ADGRL2: variants seen among roughly 807,000 people sequenced by gnomAD.
The protein encoded by ADGRL2 is adhesion G protein-coupled receptor L2.
Under a neutral mutation model 157.4 loss-of-function variants are expected in ADGRL2, and 44 were observed. The ratio of observed to expected loss-of-function variants is 0.28; its 90% CI spans 0.22 to 0.36. The LOEUF (loss-of-function observed/expected upper bound fraction) is 0.36. ADGRL2 is among the 10% of genes least tolerant of loss of function. ADGRL2 has a pLI of 1.00. For synonymous variants in ADGRL2, 585 were observed against 624.7 expected, an observed-to-expected ratio of 0.94 and a Z score of 0.95; for missense variants, 1,510 against 1,768.9, an observed-to-expected ratio of 0.85 and a Z score of 2.63.
chr1:81,554,891 C>T (rs142403286), intron 2 of ADGRL2, among the ~76,000 whole-genome samples: 35 of 152,086 alleles, frequency 2.3e-4, no homozygotes, highest in African/African-American at 8.4e-4. Context: ...GGAATAATGT[C>T]TGATTCTTAC....
intron 2 of ADGRL2, among the ~76,000 whole-genome samples, chr1:81,561,484 G>T (rs781268672): frequency 8.3e-4 from 121 of 146,424 alleles, no homozygotes; most frequent in Non-Finnish European, 1.5e-3. Context: ...TTTTTCAGAG[G>T]GAGTCTTGCT....
chr1:81,583,878 T>A (rs574070520), intron 3 of ADGRL2, among the ~76,000 whole-genome samples: 2 of 152,284 alleles, frequency 1.3e-5, no homozygotes, highest in East Asian at 3.9e-4. Context: ...TTCTCTTAAC[T>A]TGACTTGCTT....
At chr1:81,337,271 A>G (rs970845063) in intron 1 of ADGRL2, among the ~76,000 whole-genome samples, 2 of 152,172 alleles carry the variant, frequency 1.3e-5, no homozygotes, top group African/African-American at 4.8e-5. Context: ...TTAAACGCGT[A>G]AGACATTCAC....
chr1:81,924,314 C>G (rs1003201854), intron 3 of ADGRL2, among the ~76,000 whole-genome samples: 3 of 152,220 alleles, frequency 2.0e-5, no homozygotes, highest in Non-Finnish European at 4.4e-5. Context: ...AATGGATCTT[C>G]TTATTAAGGA....
intron 1 of ADGRL2, among the ~76,000 whole-genome samples, chr1:81,418,626 C>T (rs1028359324): frequency 7.9e-5 from 12 of 151,980 alleles, no homozygotes; most frequent in African/African-American, 2.4e-4. Flanking sequence ...TGGTGGCAGG[C>T]GCCTGCAGTC....
At chr1:81,904,007 T>A (rs2094540530) in intron 2 of ADGRL2, among the ~76,000 whole-genome samples, 1 of 151,934 alleles carries the variant, frequency 6.6e-6, no homozygotes, top group Non-Finnish European at 1.5e-5. Context: ...ATAAGTAGTT[T>A]GCCTTGTTTT....
chr1:81,411,620 C>A (rs567944328), intron 1 of ADGRL2, among the ~76,000 whole-genome samples: 1 of 152,132 alleles, frequency 6.6e-6, no homozygotes, highest in South Asian at 2.1e-4. Context: ...GGGCCAGGAG[C>A]GGTGGCTCAC....
chr1:81,788,276 G>A (rs1566201), intron 2 of ADGRL2, among the ~76,000 whole-genome samples: 27,152 of 152,088 alleles, frequency 0.18, 3,559 homozygotes, highest in East Asian at 0.65. Context: ...TAGAGGTGGA[G>A]CCTGGTGGGA....
intron 2 of ADGRL2, among the ~76,000 whole-genome samples, chr1:81,485,027 A>G (rs994942810): frequency 6.6e-6 from 1 of 152,172 alleles, no homozygotes; most frequent in Non-Finnish European, 1.5e-5. Flanking sequence ...GTTTCATCCA[A>G]TGATAAATAT....
chr1:81,311,942 G>A (rs1187172209), intron 1 of ADGRL2, among the ~76,000 whole-genome samples: 2 of 152,092 alleles, frequency 1.3e-5, no homozygotes, highest in South Asian at 4.1e-4. Flanking sequence ...GGAGAGGAGG[G>A]TTTAGGAGAT....
intron 1 of ADGRL2, among the ~76,000 whole-genome samples, chr1:81,350,419 A>G (rs1244454165): frequency 6.6e-6 from 1 of 152,208 alleles, no homozygotes; most frequent in East Asian, 1.9e-4. Context: ...AGATTAAATT[A>G]GATCTTCAAG....
At chr1:81,531,893 A>G (rs2148255767) in intron 2 of ADGRL2, among the ~76,000 whole-genome samples, 2 of 152,252 alleles carry the variant, frequency 1.3e-5, no homozygotes, top group Middle Eastern at 3.4e-3. Context: ...TACTTTAGAC[A>G]CCGTAAAACC....
chr1:81,333,777 A>AAAAG (rs1661442282), intron 1 of ADGRL2, among the ~76,000 whole-genome samples: 1 of 151,952 alleles, frequency 6.6e-6, no homozygotes, highest in Non-Finnish European at 1.5e-5. Context: ...AAAAAAAAAA[A>AAAAG]AAATTCCTTA....
rs190261600 is a variant in ADGRL2 at position 81,824,558 on chromosome 1, G to T, written c.-100-12327G>T. Among the ~76,000 whole-genome samples the T allele has an allele frequency of 4.3e-3, 662 of 152,310 alleles. 5 individuals carry two copies. The highest frequency in any genetic ancestry group is 8.1e-3 in the Non-Finnish European group (548 of 68,034). On this transcript the variant is annotated intron_variant, in intron 1 of 23. Coordinates refer to ENST00000686636, the MANE Select transcript of ADGRL2 (RefSeq NM_001366006.2). The stretch of plus-strand genomic sequence containing the variant: ...CCAAATTGCTGGGATTTACAGGCAT[G>T]AGCCACTGCACCTGGCTGCAAAAGA...
chr1:81,498,837 C>G (rs1373695924), intron 2 of ADGRL2, among the ~76,000 whole-genome samples: 1 of 152,032 alleles, frequency 6.6e-6, no homozygotes, highest in Non-Finnish European at 1.5e-5. Context: ...TTGAGCCAGA[C>G]TTTATAAATC....
At chr1:81,986,778 ATTGCCAAC>A in intron 21 of ADGRL2, 115 bp from the exon 22 acceptor site, 1 of 908,742 alleles carries the variant, frequency 1.1e-6, no homozygotes, top group South Asian at 1.8e-5. Context: ...CAGATTTTCC[ATTGCCAAC>A]TTGTCCACTA....
intron 2 of ADGRL2, among the ~76,000 whole-genome samples, chr1:81,854,335 C>T (rs1293854954): frequency 6.6e-6 from 1 of 152,108 alleles, no homozygotes; most frequent in South Asian, 2.1e-4. Flanking sequence ...TTTTCTTTCA[C>T]TGACATACCC....
chr1:81,800,787 G>C (rs2087930023), upstream of ADGRL2, among the ~76,000 whole-genome samples: 1 of 151,478 alleles, frequency 6.6e-6, no homozygotes, highest in African/African-American at 2.4e-5. Flanking sequence ...GGGTGGGCTA[G>C]GGGTTAGCGG....
intron 3 of ADGRL2, among the ~76,000 whole-genome samples, chr1:81,674,729 C>T (rs1373937995): frequency 6.6e-6 from 1 of 152,062 alleles, no homozygotes; most frequent in East Asian, 1.9e-4. Context: ...TGGAAAGATA[C>T]CAAGTTACAA....
Sources: allele counts gnomAD v4.1 joint callset (sites outside exome capture counted in the v4.1 genomes callset), GRCh38; gene constraint gnomAD v4.1.1; transcripts MANE v1.5; gene names NCBI Gene and HGNC (gene_info 2026-07-23, HGNC 2026-07-21).